The following LINC00632 variants were observed in gnomAD, a reference collection of about 807,000 sequenced individuals.
LINC00632 encodes ALDOA related specific transcript.
intron 3 of LINC00632, among the ~76,000 whole-genome samples, chrX:140,736,339 G>A (rs895593998): frequency 2.5e-4 from 27 of 109,024 alleles, no homozygotes; most frequent in Non-Finnish European, 5.7e-5. Context: ...GAATTTCTTG[G>A]AATAATTGAC....
exon 5 of LINC00632, among the ~76,000 whole-genome samples, chrX:140,789,359 C>T (rs1932073095): frequency 1.8e-5 from 2 of 110,793 alleles, no homozygotes; most frequent in African/African-American, 6.5e-5. Context: ...ATTCTTTCCA[C>T]ATTAGATCTT....
In LINC00632 at chrX:140,750,273, G is replaced by T. The variant is rs769973559; in HGVS notation, n.191+16309G>T. ...GTTTGCCAGGGGCTGGGGTAAGGAG[G>T]AGACGTTTGTCAAAGGATCCAAAAT... On this transcript the variant is annotated intron_variant and non_coding_transcript_variant, in intron 3 of 4. Coordinates refer to ENST00000648200, the Ensembl canonical transcript of LINC00632. Among the ~76,000 whole-genome samples the T allele has an allele frequency of 7.2e-5, 8 of 110,656 alleles. No homozygotes were observed. In the South Asian group the frequency reaches 1.9e-3, roughly 27 times the overall value.
intron 2 of LINC00632, among the ~76,000 whole-genome samples, chrX:140,721,633 A>AGTG (rs1427357816): frequency 9.1e-6 from 1 of 110,227 alleles, no homozygotes; most frequent in Non-Finnish European, 1.9e-5. Flanking sequence ...CAGGCCATGG[A>AGTG]GTGGTACTGG....
chrX:140,747,297 GC>G, intron 3 of LINC00632, among the ~76,000 whole-genome samples: 1 of 111,162 alleles, frequency 9.0e-6, no homozygotes, highest in Admixed American at 9.6e-5. Context: ...GGAGGCCAAG[GC>G]GGGTGGATTT....
exon 5 of LINC00632, chrX:140,783,617 C>T (rs755285760): frequency 8.3e-7 from 1 of 1,207,087 alleles, no homozygotes; most frequent in Admixed American, 2.2e-5. Context: ...AGAAAGAAAT[C>T]CAGGTCTTCC....
exon 5 of LINC00632, among the ~76,000 whole-genome samples, chrX:140,777,522 G>A (rs1002664825): frequency 7.1e-5 from 8 of 112,499 alleles, no homozygotes; most frequent in Non-Finnish European, 1.3e-4. Context: ...GAAAAATATA[G>A]ATTTCCAGGA....
chrX:140,784,650 C>A, exon 5 of LINC00632: 1 of 392,446 alleles, frequency 2.5e-6, no homozygotes, highest in Non-Finnish European at 4.6e-6. Flanking sequence ...CCAGTGTCTG[C>A]AATATCCAGG....
exon 5 of LINC00632, among the ~76,000 whole-genome samples, chrX:140,786,469 A>G (rs2148406909): frequency 8.9e-6 from 1 of 111,879 alleles, no homozygotes; most frequent in Non-Finnish European, 1.9e-5. Context: ...TTTGGTTCTC[A>G]CAATATAGCC....
intron 3 of LINC00632, among the ~76,000 whole-genome samples, chrX:140,756,608 A>G (rs1931498237): frequency 2.7e-5 from 3 of 111,769 alleles, no homozygotes; most frequent in Admixed American, 9.5e-5. Context: ...AGAAGGTGCT[A>G]TGGTGAGCTG....
exon 5 of LINC00632, among the ~76,000 whole-genome samples, chrX:140,777,631 C>T (rs1010336108): frequency 8.9e-6 from 1 of 112,167 alleles, no homozygotes; most frequent in Non-Finnish European, 1.9e-5. Context: ...TTCAAACTGC[C>T]GCTCTAAAGC....
At chrX:140,758,392 T>G (rs1306136288) in intron 3 of LINC00632, among the ~76,000 whole-genome samples, 2 of 52,334 alleles carry the variant, frequency 3.8e-5, no homozygotes, top group African/African-American at 1.2e-4. Context: ...TTTTTTTTTT[T>G]GACAGAGTTT....
At chrX:140,724,357 G>A (rs753953403) in intron 2 of LINC00632, among the ~76,000 whole-genome samples, 4 of 4,769 alleles carry the variant, frequency 8.4e-4, no homozygotes, top group African/African-American at 3.2e-3. Context: ...ACACAGACAT[G>A]CATTCCATAC....
rs145511706 is a variant in LINC00632, at chrX:140,775,776, T to G, written n.3795T>G. ...GAAAAAAAAATGCTTTAAACAGCTGTGTCAAAAACTGACATCAGAGAGTAA... is the reference window on the plus strand; with the variant it reads ...GAAAAAAAAATGCTTTAAACAGCTGGGTCAAAAACTGACATCAGAGAGTAA... On this transcript the variant is annotated non_coding_transcript_exon_variant, in exon 5 of 5. Transcript: ENST00000648200. Among the ~76,000 whole-genome samples, 327 of 111,419 alleles carry G rather than the reference T, an allele frequency of 2.9e-3. 1 individual carries two copies. The highest frequency in any genetic ancestry group is 0.01 in the African/African-American group (309 of 30,638).
At chrX:140,774,420 T>G (rs760702461) in exon 5 of LINC00632, among the ~76,000 whole-genome samples, 2 of 111,552 alleles carry the variant, frequency 1.8e-5, no homozygotes, top group Non-Finnish European at 3.8e-5. Flanking sequence ...GAGGTTGACA[T>G]TAGGCCATGT....
chrX:140,762,365 T>A (rs1931615571), intron 3 of LINC00632, among the ~76,000 whole-genome samples: 1 of 111,449 alleles, frequency 9.0e-6, no homozygotes, highest in Admixed American at 9.6e-5. Flanking sequence ...GGACAAAGGG[T>A]GAATTAGAAG....
intron 3 of LINC00632, among the ~76,000 whole-genome samples, chrX:140,736,845 G>A (rs1931152868): frequency 9.3e-6 from 1 of 107,828 alleles, no homozygotes; most frequent in Admixed American, 1.0e-4. Flanking sequence ...AAGTATAAAG[G>A]TTATTTATAA....
At chrX:140,785,136 G>T (rs1039701265) in exon 5 of LINC00632, among the ~76,000 whole-genome samples, 3 of 108,660 alleles carry the variant, frequency 2.8e-5, no homozygotes, top group Non-Finnish European at 5.7e-5. Flanking sequence ...CATTTTAAAT[G>T]ATATTAATTT....
chrX:140,787,031 ATATT>A (rs755188185), exon 5 of LINC00632, among the ~76,000 whole-genome samples: 208 of 111,724 alleles, frequency 1.9e-3, no homozygotes, highest in Non-Finnish European at 3.2e-3. Context: ...TTTCTTCTAT[ATATT>A]CTTTTAAGTT....
intron 3 of LINC00632, among the ~76,000 whole-genome samples, chrX:140,744,607 T>C: frequency 9.7e-6 from 1 of 103,312 alleles, no homozygotes; most frequent in African/African-American, 3.5e-5. Flanking sequence ...TCTTGCTTTG[T>C]CGCCCAGGCC....
Sources: gnomAD v4.1 joint callset for allele counts (sites outside exome capture counted in the v4.1 genomes callset) on GRCh38, gnomAD v4.1.1 for gene constraint, MANE v1.5 for transcripts, NCBI Gene and HGNC (gene_info 2026-07-23, HGNC 2026-07-21) for gene names.